GRM1: variants seen among roughly 807,000 people sequenced by gnomAD.
GRM1 encodes the protein metabotropic glutamate receptor 1.
A neutral mutation model predicts 90.9 loss-of-function variants in GRM1; 33 were observed. The ratio of observed to expected loss-of-function variants is 0.36; its 90% CI spans 0.28 to 0.49. The LOEUF is 0.49. Among genes scored for constraint, GRM1 ranks in the 20% least tolerant of loss-of-function variants. The pLI is 0.99. For synonymous variants in GRM1, 700 were observed against 613.2 expected (o/e 1.14, Z -2.09); for missense variants, 1,190 against 1,534.3 (o/e 0.78, Z 3.75).
chr6:146,328,458 A>C lies in GRM1; in HGVS notation c.1186+23612A>C, dbSNP rs181231336. Among the ~76,000 whole-genome samples the C allele has an allele frequency of 2.0e-5, 3 of 152,268 alleles. No individual in the cohort carries two copies. In the East Asian group the frequency reaches 5.8e-4, roughly 29 times the overall value. On this transcript the variant is annotated intron_variant, in intron 3 of 7. Transcript: ENST00000282753. ...GTGGCTTTGGAAAAAGCAAATTAAC[A>C]TCTCTGGGCCTCAGTTGCCTCATAT...
chr6:146,399,741 C>G lies in GRM1; in HGVS notation c.2660+42C>G, dbSNP rs773115365. Reference sequence around the variant, plus strand: ...GTTTGTCTCTCTTTTCTCTTCCTTTCTCTGTCTCTTTCTCTCTCTCTCTCT... The same window carrying G: ...GTTTGTCTCTCTTTTCTCTTCCTTTGTCTGTCTCTTTCTCTCTCTCTCTCT... On this transcript the variant is annotated intron_variant, in intron 7 of 7. Transcript: ENST00000282753. The surrounding 1 kb of genome is among the most constrained non-coding windows in gnomAD (Gnocchi z 5.4). The G allele has an allele frequency of 2.3e-4, 311 of 1,337,040 alleles. 2 individuals are homozygous for G. The highest frequency in any genetic ancestry group is 3.0e-5 in the Non-Finnish European group (29 of 957,068). 82.8% of individuals were successfully genotyped at this position (1,337,040 alleles called of 1,614,324 possible). A position where few individuals can be genotyped will look rare whatever the true frequency, so the allele number is the denominator to read the frequency against.
At chr6:146,295,248 G>C (rs1783135170) in intron 2 of GRM1, among the ~76,000 whole-genome samples, 1 of 151,974 alleles carries the variant, frequency 6.6e-6, no homozygotes, top group African/African-American at 2.4e-5. Context: ...TTGAGATGGA[G>C]TCTCACCCTG....
chr6:146,124,646 A>G (rs144791879), intron 1 of GRM1, among the ~76,000 whole-genome samples: 445 of 152,314 alleles, frequency 2.9e-3, no homozygotes, highest in Non-Finnish European at 4.7e-3. Flanking sequence ...TGGTACAACC[A>G]TATACCTATA....
rs184293151 is a variant in GRM1, at chr6:146,433,032, T to C, written c.2661-840T>C. ...GCTTTGTCTCAATCATAATTTTCTCTTATTTGCATCAAACTATCCTAAAGC... is the reference window on the plus strand; with the variant it reads ...GCTTTGTCTCAATCATAATTTTCTCCTATTTGCATCAAACTATCCTAAAGC... On this transcript the variant is annotated intron_variant, in intron 7 of 7. Transcript: ENST00000282753. Among the ~76,000 whole-genome samples, 204 of 152,330 alleles carry C rather than the reference T, an allele frequency of 1.3e-3. 1 individual carries two copies. The highest frequency in any genetic ancestry group is 4.0e-3 in the Admixed American group (61 of 15,304).
intron 2 of GRM1, among the ~76,000 whole-genome samples, chr6:146,249,855 A>G (rs1164973795): frequency 6.6e-6 from 1 of 152,192 alleles, no homozygotes; most frequent in African/African-American, 2.4e-5. Flanking sequence ...TGAGAGGGCT[A>G]TACCCTGCAG....
chr6:146,270,514 A>G (rs1249582039), intron 2 of GRM1, among the ~76,000 whole-genome samples: 1 of 152,172 alleles, frequency 6.6e-6, no homozygotes, highest in Non-Finnish European at 1.5e-5. Context: ...AATATAGGAA[A>G]AAAATCAATC....
intron 2 of GRM1, among the ~76,000 whole-genome samples, chr6:146,294,183 G>T (rs1783094602): frequency 6.6e-6 from 1 of 151,330 alleles, no homozygotes; most frequent in African/African-American, 2.4e-5. Context: ...TTTATTTTCA[G>T]CTTTTCTCTT....
At chr6:146,228,837 C>T (rs553721127) in intron 2 of GRM1, among the ~76,000 whole-genome samples, 8 of 152,206 alleles carry the variant, frequency 5.3e-5, no homozygotes, top group East Asian at 1.9e-4. Flanking sequence ...TCTATAAATG[C>T]GGCATCTAAA....
intron 2 of GRM1, among the ~76,000 whole-genome samples, chr6:146,174,466 A>C (rs1778259562): frequency 6.6e-6 from 1 of 152,236 alleles, no homozygotes; most frequent in Non-Finnish European, 1.5e-5. Context: ...AAGGAGCTGG[A>C]ATTGCAAAAA....
intron 2 of GRM1, among the ~76,000 whole-genome samples, chr6:146,260,606 C>A (rs184462543): frequency 6.6e-6 from 1 of 152,080 alleles, no homozygotes; most frequent in Non-Finnish European, 1.5e-5. Context: ...AACTAATTTA[C>A]ACTCCTACCA....
chr6:146,160,751 A>G (rs1328096241), intron 2 of GRM1, among the ~76,000 whole-genome samples: 2 of 152,172 alleles, frequency 1.3e-5, no homozygotes. Flanking sequence ...GGTATAAGAC[A>G]CTTGAGGGAC....
At chr6:146,265,488 A>T (rs547976215) in intron 2 of GRM1, among the ~76,000 whole-genome samples, 1 of 152,252 alleles carries the variant, frequency 6.6e-6, no homozygotes, top group Admixed American at 6.5e-5. Flanking sequence ...TTGTCTTCTT[A>T]TTCTGTTGTT....
At chr6:146,099,972 T>C (rs959301782) in intron 1 of GRM1, among the ~76,000 whole-genome samples, 4 of 152,234 alleles carry the variant, frequency 2.6e-5, no homozygotes, top group African/African-American at 9.6e-5. Context: ...TGTATAAATT[T>C]ATATTTCTAC....
At chr6:146,122,508 A>AG (rs1776028944) in intron 1 of GRM1, among the ~76,000 whole-genome samples, 1 of 150,790 alleles carries the variant, frequency 6.6e-6, no homozygotes, top group African/African-American at 2.4e-5. Flanking sequence ...TCTGCTTCTT[A>AG]CTTTTCTCTT....
intron 5 of GRM1, among the ~76,000 whole-genome samples, chr6:146,359,906 C>G (rs1441213541): frequency 6.6e-6 from 1 of 152,208 alleles, no homozygotes; most frequent in Non-Finnish European, 1.5e-5. Flanking sequence ...AATATGCATG[C>G]TCTCAATACC....
At chr6:146,425,191 G>GT (rs143351781) in intron 7 of GRM1, among the ~76,000 whole-genome samples, 5,432 of 152,144 alleles carry the variant, frequency 0.036, 335 homozygotes, top group African/African-American at 0.12. Context: ...GATTAACTTT[G>GT]TTTTTTCTCT....
At chr6:146,321,833 C>A (rs1784200628) in intron 3 of GRM1, among the ~76,000 whole-genome samples, 1 of 152,090 alleles carries the variant, frequency 6.6e-6, no homozygotes, top group Non-Finnish European at 1.5e-5. Context: ...ATTCTTCCAT[C>A]TCTTTATTTT....
At chr6:146,284,779 C>G (rs141052724) in intron 2 of GRM1, among the ~76,000 whole-genome samples, 20 of 152,304 alleles carry the variant, frequency 1.3e-4, no homozygotes, top group African/African-American at 4.1e-4. Context: ...GCCTCTCCAG[C>G]CATGTGGAAC....
chr6:146,238,085 C>T (rs1780716183), intron 2 of GRM1, among the ~76,000 whole-genome samples: 1 of 152,060 alleles, frequency 6.6e-6, no homozygotes, highest in Non-Finnish European at 1.5e-5. Context: ...GTTGTTTTTG[C>T]TGGAGTGTGC....
Sources: gnomAD v4.1 joint callset for allele counts (sites outside exome capture counted in the v4.1 genomes callset) on GRCh38, gnomAD v4.1.1 for gene constraint, Gnocchi (gnomAD v3.1) non-coding constraint, MANE v1.5 for transcripts, NCBI Gene and HGNC (gene_info 2026-07-23, HGNC 2026-07-21) for gene names.